The following LHFPL3 variants were observed in gnomAD, a reference collection of about 807,000 sequenced individuals.
The protein encoded by LHFPL3 is LHFPL tetraspan subfamily member 3, also known as LHFPL tetraspan subfamily member 3 protein.
LHFPL3 carries 5 observed loss-of-function variants against 19.3 expected under a neutral mutation model. The ratio of observed to expected loss-of-function variants is 0.26; its 90% CI spans 0.14 to 0.54. The LOEUF (loss-of-function observed/expected upper bound fraction) is 0.54, where lower values mean the gene tolerates loss of function less well. Among genes scored for constraint, LHFPL3 ranks in the 20% least tolerant of loss-of-function variants. The pLI is 0.94. For missense variants in LHFPL3, 249 were observed against 307.4 expected (o/e 0.81, Z 1.42); for synonymous variants, 133 against 126.2 (o/e 1.05, Z -0.36).
intron 2 of LHFPL3, among the ~76,000 whole-genome samples, chr7:104,813,776 G>A (rs1790517399): frequency 6.6e-6 from 1 of 152,228 alleles, no homozygotes; most frequent in Admixed American, 6.5e-5. Context: ...TCCACAGCTG[G>A]CATCAGAGAA....
At chr7:104,807,073 T>C (rs979398073) in intron 2 of LHFPL3, among the ~76,000 whole-genome samples, 2 of 147,164 alleles carry the variant, frequency 1.4e-5, no homozygotes, top group Admixed American at 7.0e-5. Context: ...CCTAACCCCC[T>C]GTACCTCAGA....
At chr7:104,871,214 G>A (rs1285812877) in intron 2 of LHFPL3, among the ~76,000 whole-genome samples, 2 of 152,188 alleles carry the variant, frequency 1.3e-5, no homozygotes, top group African/African-American at 4.8e-5. Context: ...ATAGCCTATT[G>A]CTCCTAGGCT....
At chr7:104,605,013 T>C (rs527315260) in intron 1 of LHFPL3, among the ~76,000 whole-genome samples, 2 of 152,358 alleles carry the variant, frequency 1.3e-5, no homozygotes, top group Admixed American at 1.3e-4. Context: ...AGCCATATTC[T>C]TCATCCTTCA....
intron 1 of LHFPL3, among the ~76,000 whole-genome samples, chr7:104,679,146 A>C (rs1792646821): frequency 6.6e-6 from 1 of 152,218 alleles, no homozygotes; most frequent in African/African-American, 2.4e-5. Flanking sequence ...GCTGCTGGCC[A>C]GGGCTGCAGT....
intron 2 of LHFPL3, chr7:104,802,795 C>G (rs1341678892): frequency 6.6e-6 from 1 of 152,266 alleles, no homozygotes; most frequent in Non-Finnish European, 1.5e-5. Flanking sequence ...CCATCCTTTC[C>G]AACCCCAATG....
chr7:104,886,938 T>A (rs546500337), intron 2 of LHFPL3, among the ~76,000 whole-genome samples: 2 of 152,184 alleles, frequency 1.3e-5, no homozygotes, highest in African/African-American at 4.8e-5. Flanking sequence ...GTCCCCAGGG[T>A]CAAGGGAAAG....
intron 2 of LHFPL3, among the ~76,000 whole-genome samples, chr7:104,840,174 C>T (rs943098002): frequency 5.3e-5 from 8 of 151,970 alleles, no homozygotes; most frequent in Non-Finnish European, 7.4e-5. Flanking sequence ...AAGTTCACAT[C>T]CAGCCCTAAA....
intron 1 of LHFPL3, among the ~76,000 whole-genome samples, chr7:104,482,668 C>T (rs1793159582): frequency 6.6e-6 from 1 of 152,170 alleles, no homozygotes; most frequent in Non-Finnish European, 1.5e-5. Context: ...GTTCCTTCTC[C>T]CTGCCACCTC....
intron 1 of LHFPL3, among the ~76,000 whole-genome samples, chr7:104,331,073 C>T (rs1448409264): frequency 2.6e-5 from 4 of 152,184 alleles, no homozygotes; most frequent in Non-Finnish European, 5.9e-5. Flanking sequence ...CTCTAACCCC[C>T]CGCTTTTTGA....
At chr7:104,475,919 T>G (rs895704718) in intron 1 of LHFPL3, among the ~76,000 whole-genome samples, 2 of 152,216 alleles carry the variant, frequency 1.3e-5, no homozygotes, top group African/African-American at 4.8e-5. Flanking sequence ...AGCAATTGTT[T>G]AGCCTCTTAA....
intron 1 of LHFPL3, among the ~76,000 whole-genome samples, chr7:104,466,660 A>T (rs1355036607): frequency 1.3e-5 from 2 of 152,146 alleles, no homozygotes; most frequent in Non-Finnish European, 2.9e-5. Flanking sequence ...AACTGGCTTT[A>T]TGTTGTTTTT....
chr7:104,519,898 T>C (rs1794013400), intron 1 of LHFPL3, among the ~76,000 whole-genome samples: 1 of 152,140 alleles, frequency 6.6e-6, no homozygotes, highest in African/African-American at 2.4e-5. Context: ...TTGTCCTTGG[T>C]GCAAGTGGAA....
At chr7:104,481,361 C>G (rs764823280) in intron 1 of LHFPL3, among the ~76,000 whole-genome samples, 8 of 152,160 alleles carry the variant, frequency 5.3e-5, no homozygotes, top group Admixed American at 2.0e-4. Context: ...TTTCACTGAT[C>G]TTGAGATAAA....
chr7:104,406,824 A>G (rs988317526), intron 1 of LHFPL3, among the ~76,000 whole-genome samples: 1 of 152,202 alleles, frequency 6.6e-6, no homozygotes, highest in African/African-American at 2.4e-5. Context: ...GGCAAAACAG[A>G]CACACCTTTG....
rs149470181 is a variant in LHFPL3, at chr7:104,404,328, T to C, written c.445+75104T>C. Among the ~76,000 whole-genome samples, 851 of 152,348 alleles carry C rather than the reference T, an allele frequency of 5.6e-3. 2 individuals are homozygous for C. The highest frequency in any genetic ancestry group is 0.02 in the African/African-American group (815 of 41,586). On this transcript the variant is annotated intron_variant, in intron 1 of 2. Coordinates refer to ENST00000424859, the MANE Select transcript of LHFPL3 (RefSeq NM_199000.3). ...TTTGAAACTAAACATATTTTTCATT[T>C]TTAAAATAAAATGACATTTAATTAA...
intron 1 of LHFPL3, among the ~76,000 whole-genome samples, chr7:104,637,112 T>C (rs1028589131): frequency 6.6e-6 from 1 of 152,236 alleles, no homozygotes; most frequent in African/African-American, 2.4e-5. Context: ...TTGGTTTTAG[T>C]TGGCATTTCT....
chr7:104,585,480 A>AAACACAC, intron 1 of LHFPL3, among the ~76,000 whole-genome samples: 1 of 123,460 alleles, frequency 8.1e-6, no homozygotes, highest in Admixed American at 8.4e-5. Flanking sequence ...AACACACACA[A>AAACACAC]ACACACACAC....
At chr7:104,773,339 G>T (rs1444149916) in intron 2 of LHFPL3, among the ~76,000 whole-genome samples, 1 of 152,228 alleles carries the variant, frequency 6.6e-6, no homozygotes, top group Non-Finnish European at 1.5e-5. Context: ...AGTCAGCTCT[G>T]TAATGGGGAA....
At chr7:104,483,013 T>C (rs1266964325) in intron 1 of LHFPL3, among the ~76,000 whole-genome samples, 2 of 152,250 alleles carry the variant, frequency 1.3e-5, no homozygotes, top group African/African-American at 4.8e-5. Flanking sequence ...TGGACACAGG[T>C]GGCACCACAT....
Sources: allele counts gnomAD v4.1 joint callset (sites outside exome capture counted in the v4.1 genomes callset), GRCh38; gene constraint gnomAD v4.1.1; transcripts MANE v1.5; gene names NCBI Gene and HGNC (gene_info 2026-07-23, HGNC 2026-07-21).